Variants in ARHGAP39 observed in about 807,000 individuals in gnomAD.
ARHGAP39 encodes the protein Rho GTPase activating protein 39, also known as rho GTPase-activating protein 39.
ARHGAP39 carries 44 observed loss-of-function variants against 106.9 expected under a neutral mutation model. The ratio of observed to expected loss-of-function variants is 0.41; its 90% CI spans 0.32 to 0.53. The LOEUF is 0.53. ARHGAP39 is among the 20% of genes least tolerant of loss of function. ARHGAP39 has a pLI of 0.21. For synonymous variants in ARHGAP39, 768 were observed against 693.2 expected (o/e 1.11, Z -1.69); for missense variants, 1,496 against 1,577.3 (o/e 0.95, Z 0.87).
chr8:144,631,519 A>G (rs986989319), intron 1 of ARHGAP39, among the ~76,000 whole-genome samples: 2 of 152,198 alleles, frequency 1.3e-5, no homozygotes, highest in African/African-American at 2.4e-5. Flanking sequence ...GGATAATCAC[A>G]CTATCTGATG....
chr8:144,694,283 A>G, the ARHGAP39 span, among the ~76,000 whole-genome samples: 1 of 152,180 alleles, frequency 6.6e-6, no homozygotes, highest in South Asian at 2.1e-4. Context: ...TTGGTGGTGC[A>G]GCAGTGTAGG....
In ARHGAP39 at chr8:144,671,981, G is replaced by T. The variant is rs1822111945; in HGVS notation, c.-82+13705C>A. Among the ~76,000 whole-genome samples, 1 of 152,236 alleles carries T rather than the reference G, an allele frequency of 6.6e-6. No homozygotes were observed. The highest frequency in any genetic ancestry group is 2.4e-5 in the African/African-American group (1 of 41,458). ...TCCGCCCAAGTGAGGCTCATCCTGG[G>T]CCCCAGTGGCCTTGGGCAGAAAGCC... On this transcript the variant is annotated intron_variant, in intron 1 of 11. Coordinates refer to ENST00000377307, the MANE Select transcript of ARHGAP39 (RefSeq NM_025251.3). This position sits in a 1 kb window ranked among gnomAD's most constrained non-coding sequence, Gnocchi z 4.5.
At chr8:144,613,638 G>A (rs2130958565) in intron 1 of ARHGAP39, among the ~76,000 whole-genome samples, 1 of 150,056 alleles carries the variant, frequency 6.7e-6, no homozygotes, top group Non-Finnish European at 1.5e-5. Context: ...GGCTGCTTTT[G>A]AGATTTATCT....
chr8:144,579,931 T>TGCCCTGGGCCACAGCCTGG (rs1818907897), intron 3 of ARHGAP39, among the ~76,000 whole-genome samples: 1 of 152,066 alleles, frequency 6.6e-6, no homozygotes, highest in Admixed American at 6.5e-5. Flanking sequence ...CAGGCCTGTC[T>TGCCCTGGGCCACAGCCTGG]GCCCTGGGCC....
In ARHGAP39 at chr8:144,577,545, G is replaced by A. The variant is rs969693768; in HGVS notation, c.512+3301C>T. 2.0e-5 allele frequency among the ~76,000 whole-genome samples: 3 copies of A among 152,116 alleles called. No homozygotes were observed. The East Asian group carries it at 5.8e-4, about 29-fold the overall frequency. Reference sequence around the variant, plus strand: ...ATCCTATGCAGGGCAATCAGTTAAGGAGAAGAAAAAGGCATCCAAATTGGA... The same window carrying A: ...ATCCTATGCAGGGCAATCAGTTAAGAAGAAGAAAAAGGCATCCAAATTGGA... On this transcript the variant is annotated intron_variant, in intron 3 of 11. Coordinates refer to ENST00000377307, the MANE Select transcript of ARHGAP39 (RefSeq NM_025251.3).
At position 144,619,604 on chromosome 8, in the gene ARHGAP39, G is replaced by A. The variant is rs528360481; in HGVS notation, c.-81-13909C>T. 4.0e-5 allele frequency among the ~76,000 whole-genome samples: 6 copies of A among 151,804 alleles called. No homozygotes were observed. In the South Asian group the frequency reaches 6.3e-4, roughly 16 times the overall value. Reference sequence around the variant, plus strand: ...TGAGACTGTGTGTCCCTGAGAGAGCGTGCATGTCCGTGTGTGAGCCTGTGT... The same window carrying A: ...TGAGACTGTGTGTCCCTGAGAGAGCATGCATGTCCGTGTGTGAGCCTGTGT... On this transcript the variant is annotated intron_variant, in intron 1 of 11. Coordinates refer to ENST00000377307, the MANE Select transcript of ARHGAP39 (RefSeq NM_025251.3).
At chr8:144,682,315 T>G (rs1338699969) in intron 1 of ARHGAP39, among the ~76,000 whole-genome samples, 1 of 141,504 alleles carries the variant, frequency 7.1e-6, no homozygotes, top group African/African-American at 2.7e-5. Flanking sequence ...TTTGGGAGGC[T>G]GAGGCGGGTG....
At chr8:144,606,248 G>A (rs1820287282) in intron 1 of ARHGAP39, among the ~76,000 whole-genome samples, 1 of 152,188 alleles carries the variant, frequency 6.6e-6, no homozygotes, top group Non-Finnish European at 1.5e-5. Context: ...TGTTCACCAG[G>A]TGTACAGTCC....
intron 1 of ARHGAP39, among the ~76,000 whole-genome samples, chr8:144,653,397 A>G (rs566339382): frequency 6.6e-6 from 1 of 152,348 alleles, no homozygotes; most frequent in South Asian, 2.1e-4. Flanking sequence ...CAGTAAAAGG[A>G]ACAGTCCATC....
intron 2 of ARHGAP39, among the ~76,000 whole-genome samples, chr8:144,602,236 T>A (rs1366565025): frequency 4.4e-5 from 6 of 137,360 alleles, no homozygotes; most frequent in Non-Finnish European, 9.2e-5. Context: ...TGTGTGCATG[T>A]GCGTGGAGGT....
At chr8:144,685,520 A>G (rs1586658511) in intron 1 of ARHGAP39, among the ~76,000 whole-genome samples, 166 bp downstream of exon 1, 1 of 74,602 alleles carries the variant, frequency 1.3e-5, no homozygotes, top group Non-Finnish European at 2.7e-5. Context: ...TCCACGGCCC[A>G]GTCACAGCCC....
chr8:144,622,863 G>A (rs1487480671), intron 1 of ARHGAP39, among the ~76,000 whole-genome samples: 2 of 152,266 alleles, frequency 1.3e-5, no homozygotes, highest in Non-Finnish European at 2.9e-5. Flanking sequence ...CAGAAGTCAG[G>A]GGAGAGAGGC....
In ARHGAP39 at chr8:144,671,189, G is replaced by C. The variant is rs1371538238; in HGVS notation, c.-82+14497C>G. Reference sequence around the variant, plus strand: ...TGTCTCACCCATGCCAGGCTCTGCGGGTCACTGACAAGAGTCTCTGCCCTG... The same window carrying C: ...TGTCTCACCCATGCCAGGCTCTGCGCGTCACTGACAAGAGTCTCTGCCCTG... On this transcript the variant is annotated intron_variant, in intron 1 of 11. Coordinates refer to ENST00000377307, the MANE Select transcript of ARHGAP39 (RefSeq NM_025251.3). This position sits in a 1 kb window ranked among gnomAD's most constrained non-coding sequence, Gnocchi z 4.5. Among the ~76,000 whole-genome samples the C allele has an allele frequency of 6.6e-6, 1 of 152,188 alleles. No homozygotes were observed. The highest frequency in any genetic ancestry group is 1.5e-5 in the Non-Finnish European group (1 of 68,040).
chr8:144,621,812 C>T (rs1204643224), intron 1 of ARHGAP39, among the ~76,000 whole-genome samples: 1 of 151,738 alleles, frequency 6.6e-6, no homozygotes, highest in Non-Finnish European at 1.5e-5. Flanking sequence ...AGGAGTGAGA[C>T]CCTGTCTCAG....
chr8:144,603,962 C>A (rs183009360), intron 2 of ARHGAP39, among the ~76,000 whole-genome samples: 5 of 152,300 alleles, frequency 3.3e-5, no homozygotes, highest in Non-Finnish European at 5.9e-5. Context: ...GAAGAGCAAG[C>A]GCAATATCAA....
chr8:144,696,833 C>T, the ARHGAP39 span, among the ~76,000 whole-genome samples: 1 of 152,174 alleles, frequency 6.6e-6, no homozygotes, highest in Non-Finnish European at 1.5e-5. Flanking sequence ...TCTCCCCTCC[C>T]CTCAGTCCCT....
At chr8:144,555,304 T>C (rs1167052191) in intron 4 of ARHGAP39, among the ~76,000 whole-genome samples, 1 of 152,248 alleles carries the variant, frequency 6.6e-6, no homozygotes, top group African/African-American at 2.4e-5. Flanking sequence ...CACCAGGGGC[T>C]GAGGGAAGCA....
Position 144,684,150 on chromosome 8 carries a change from G to A in ARHGAP39, c.-82+1536C>T, listed in dbSNP as rs1822510500. Among the ~76,000 whole-genome samples the A allele has an allele frequency of 6.6e-6, 1 of 152,186 alleles. No individual in the cohort carries two copies. Among genetic ancestry groups the A allele is most frequent in the African/African-American group, 2.4e-5 (1 of 41,438 alleles). ...TCCACTCTGCTCCCCTGCCTCTCAG[G>A]AAGACAGCTGGCTACACCAAGTGCA... On this transcript the variant is annotated intron_variant, in intron 1 of 11. Transcript: ENST00000377307. The surrounding 1 kb of genome is among the most constrained non-coding windows in gnomAD (Gnocchi z 4.4).
chr8:144,676,414 ACGGGTGCTGCTGAC>A, intron 1 of ARHGAP39, among the ~76,000 whole-genome samples: 1 of 151,712 alleles, frequency 6.6e-6, no homozygotes, highest in African/African-American at 2.4e-5. Context: ...TGAGCTAGAC[ACGGGTGCTGCTGAC>A]TGGTGCGTTT....
Sources: gnomAD v4.1 joint callset for allele counts (sites outside exome capture counted in the v4.1 genomes callset) on GRCh38, gnomAD v4.1.1 for gene constraint, Gnocchi (gnomAD v3.1) non-coding constraint, MANE v1.5 for transcripts, NCBI Gene and HGNC (gene_info 2026-07-23, HGNC 2026-07-21) for gene names.